FBLN7: variants seen among roughly 807,000 people sequenced by gnomAD.
FBLN7 encodes the protein fibulin-7.
A neutral mutation model predicts 44.0 loss-of-function variants in FBLN7; 31 were observed. The ratio of observed to expected loss-of-function variants is 0.70; its 90% CI spans 0.53 to 0.95. The LOEUF (loss-of-function observed/expected upper bound fraction) is 0.95. Among genes scored for constraint, FBLN7 ranks in the 40% least tolerant of loss-of-function variants. The probability of loss-of-function intolerance (pLI) is 0.00; values close to 1 mark genes in which losing one functional copy is unlikely to be tolerated. For synonymous variants in FBLN7, 262 were observed against 253.4 expected (o/e 1.03, Z -0.32); for missense variants, 573 against 618.5 (o/e 0.93, Z 0.78).
chr2:112,218,581 T>C, the FBLN7 span, among the ~76,000 whole-genome samples: 2 of 152,212 alleles, frequency 1.3e-5, no homozygotes, highest in East Asian at 1.9e-4. Context: ...CGGTTGACTC[T>C]TGAACAACAC....
chr2:112,232,075 G>A, the FBLN7 span: 102 of 455,100 alleles, frequency 2.2e-4, no homozygotes, highest in East Asian at 3.5e-4. Context: ...TGTAGGAGGC[G>A]GAGGTGGGCA....
chr2:112,233,022 G>C, the FBLN7 span, among the ~76,000 whole-genome samples: 1 of 152,112 alleles, frequency 6.6e-6, no homozygotes. Context: ...AGGTCTCATG[G>C]ACCCTCTATA....
chr2:112,235,880 A>G, the FBLN7 span, among the ~76,000 whole-genome samples: 1 of 150,492 alleles, frequency 6.6e-6, no homozygotes, highest in Non-Finnish European at 1.5e-5. Context: ...ATGCCTCATG[A>G]CTATTTGATC....
At chr2:112,243,609 C>T in the FBLN7 span, among the ~76,000 whole-genome samples, 2 of 150,432 alleles carry the variant, frequency 1.3e-5, no homozygotes, top group South Asian at 2.1e-4. Flanking sequence ...TCATTAGAAT[C>T]GTATTAAAAA....
downstream of FBLN7, among the ~76,000 whole-genome samples, chr2:112,190,963 G>GT (rs1683468523): frequency 1.3e-5 from 2 of 152,082 alleles, no homozygotes; most frequent in Non-Finnish European, 1.5e-5. Flanking sequence ...ACTACTGTGG[G>GT]TTTTTTGTTA....
the FBLN7 span, chr2:112,236,575 C>A: frequency 6.9e-4 from 1,117 of 1,613,470 alleles, 4 homozygotes; most frequent in African/African-American, 0.013. Context: ...TTCCTGTGAG[C>A]CGCTGTTCCT....
At chr2:112,219,310 G>A in the FBLN7 span, among the ~76,000 whole-genome samples, 1 of 152,130 alleles carries the variant, frequency 6.6e-6, no homozygotes, top group East Asian at 1.9e-4. Context: ...ATTGACAAAA[G>A]TACCAAGACC....
chr2:112,184,846 C>T (rs866219175), intron 6 of FBLN7, among the ~76,000 whole-genome samples: 6 of 147,872 alleles, frequency 4.1e-5, no homozygotes, highest in African/African-American at 7.5e-5. Flanking sequence ...TACACACACA[C>T]ATATATATAT....
the FBLN7 span, among the ~76,000 whole-genome samples, chr2:112,197,001 ATGGGGAAGACC>A: frequency 6.6e-6 from 1 of 151,986 alleles, no homozygotes; most frequent in African/African-American, 2.4e-5. Flanking sequence ...CAAGAACAGC[ATGGGGAAGACC>A]TGCCCCCATG....
At chr2:112,146,599 A>T (rs1489015335) in intron 1 of FBLN7, among the ~76,000 whole-genome samples, 1 of 146,744 alleles carries the variant, frequency 6.8e-6, no homozygotes, top group Non-Finnish European at 1.5e-5. Flanking sequence ...ATTCATTTCC[A>T]AGTGGATATC....
downstream of FBLN7, among the ~76,000 whole-genome samples, chr2:112,191,520 CTT>C (rs1055068715): frequency 6.6e-6 from 1 of 152,124 alleles, no homozygotes; most frequent in Non-Finnish European, 1.5e-5. Context: ...TATCTGCTCT[CTT>C]TCTCTCATTC....
At chr2:112,224,092 T>C in the FBLN7 span, among the ~76,000 whole-genome samples, 2 of 152,084 alleles carry the variant, frequency 1.3e-5, no homozygotes, top group African/African-American at 2.4e-5. Context: ...TGAGCTGAGA[T>C]AGATAATGCC....
chr2:112,185,730 A>C (rs964953785), intron 7 of FBLN7, among the ~76,000 whole-genome samples: 5 of 152,238 alleles, frequency 3.3e-5, no homozygotes, highest in Admixed American at 2.0e-4. Flanking sequence ...AGGTGACAGC[A>C]TTCACATAGC....
chr2:112,181,782 C>T lies in FBLN7; in HGVS notation c.576C>T (p.Arg192=), dbSNP rs1683009475. Residue 192 remains arginine, a synonymous_variant, in exon 5 of 8, where the codon CGC becomes CGT. Transcript: ENST00000331203. Reference sequence around the variant, plus strand: ...TGGCCGGCGACTCCGCCTTCAGCCGCGCGCCGCGCTGTGCGCAGGTGGAGC... The same window carrying T: ...TGGCCGGCGACTCCGCCTTCAGCCGTGCGCCGCGCTGTGCGCAGGTGGAGC... ...GSVAGDSAFS[R]APRCAQVERA... The T allele has an allele frequency of 1.4e-6, 2 of 1,445,162 alleles. No homozygotes were observed. The highest frequency in any genetic ancestry group is 1.4e-5 in the South Asian group (1 of 73,046). 89.5% of individuals were successfully genotyped at this position (1,445,162 alleles called of 1,614,324 possible). A position where few individuals can be genotyped will look rare whatever the true frequency, so the allele number is the denominator to read the frequency against.
intron 2 of FBLN7, among the ~76,000 whole-genome samples, chr2:112,160,762 A>ACACG (rs1681779763): frequency 5.3e-5 from 2 of 37,614 alleles, no homozygotes; most frequent in Admixed American, 4.1e-4. Flanking sequence ...GCACACACGC[A>ACACG]CGCACACGCA....
At chr2:112,242,716 C>T in the FBLN7 span, among the ~76,000 whole-genome samples, 1 of 152,140 alleles carries the variant, frequency 6.6e-6, no homozygotes, top group Non-Finnish European at 1.5e-5. Flanking sequence ...CAGTATTAAG[C>T]ATTCACCACA....
At chr2:112,244,126 T>A in the FBLN7 span, among the ~76,000 whole-genome samples, 109 of 152,020 alleles carry the variant, frequency 7.2e-4, 1 homozygote, top group African/African-American at 2.6e-3. Context: ...CACAATCGCA[T>A]AGAATTAAGA....
At chr2:112,193,901 G>T in the FBLN7 span, among the ~76,000 whole-genome samples, 1 of 152,224 alleles carries the variant, frequency 6.6e-6, no homozygotes, top group African/African-American at 2.4e-5. Flanking sequence ...AGAACATAGG[G>T]CTTGGAAGGA....
At chr2:112,160,130 A>G (rs998062552) in intron 2 of FBLN7, among the ~76,000 whole-genome samples, 14 of 152,092 alleles carry the variant, frequency 9.2e-5, no homozygotes, top group African/African-American at 3.4e-4. Flanking sequence ...AGCTGGGACT[A>G]CAGGCGCCCG....
Sources: gnomAD v4.1 joint callset for allele counts (sites outside exome capture counted in the v4.1 genomes callset) on GRCh38, gnomAD v4.1.1 for gene constraint, MANE v1.5 for transcripts, NCBI Gene and HGNC (gene_info 2026-07-23, HGNC 2026-07-21) for gene names.